Variants in EXOC4 observed in about 807,000 individuals in gnomAD.
EXOC4 encodes the protein exocyst complex component 4.
Under a neutral mutation model 107.2 loss-of-function variants are expected in EXOC4, and 71 were observed. The ratio of observed to expected loss-of-function variants is 0.66; its 90% CI spans 0.55 to 0.81. EXOC4 has a LOEUF of 0.81. Among genes scored for constraint, EXOC4 ranks in the 30% least tolerant of loss-of-function variants. The pLI, the probability that EXOC4 is intolerant of heterozygous loss-of-function variation, is 0.00. For synonymous variants in EXOC4, 456 were observed against 441.2 expected (o/e 1.03, Z -0.42); for missense variants, 1,108 against 1,189.6 (o/e 0.93, Z 1.01).
chr7:133,407,982 C>T (rs1287883071), intron 7 of EXOC4, among the ~76,000 whole-genome samples: 1 of 152,112 alleles, frequency 6.6e-6, no homozygotes, highest in African/African-American at 2.4e-5. Context: ...TTAAACCTGA[C>T]TCCAAAACTT....
intron 9 of EXOC4, among the ~76,000 whole-genome samples, chr7:133,591,569 CGTGTGTGT>C (rs918271151): frequency 2.1e-4 from 3 of 14,594 alleles, no homozygotes; most frequent in African/African-American, 3.3e-4. Flanking sequence ...TGTGTGTGTG[CGTGTGTGT>C]GTGTGTGTGT....
intron 10 of EXOC4, among the ~76,000 whole-genome samples, chr7:133,721,690 G>A (rs1221523879): frequency 6.6e-6 from 1 of 152,154 alleles, no homozygotes; most frequent in Non-Finnish European, 1.5e-5. Context: ...ATGGTAAGAA[G>A]GAATTTGTTG....
At chr7:133,627,145 G>A (rs1023874002) in intron 9 of EXOC4, among the ~76,000 whole-genome samples, 2 of 152,188 alleles carry the variant, frequency 1.3e-5, no homozygotes, top group African/African-American at 4.8e-5. Flanking sequence ...GGTTCATAAT[G>A]GGTTATTTTA....
intron 11 of EXOC4, among the ~76,000 whole-genome samples, chr7:133,837,468 AT>A (rs1797941101): frequency 6.6e-6 from 1 of 152,118 alleles, no homozygotes; most frequent in South Asian, 2.1e-4. Flanking sequence ...AAAGGTTTAA[AT>A]TTTCTGTGGC....
chr7:133,381,424 G>A (rs939216594), intron 7 of EXOC4, among the ~76,000 whole-genome samples: 1 of 152,146 alleles, frequency 6.6e-6, no homozygotes, highest in Non-Finnish European at 1.5e-5. Flanking sequence ...GATTGATGAT[G>A]AGTTGATCCT....
At chr7:133,326,913 G>A (rs946923026) in intron 5 of EXOC4, among the ~76,000 whole-genome samples, 9 of 152,322 alleles carry the variant, frequency 5.9e-5, no homozygotes, top group Non-Finnish European at 8.8e-5. Flanking sequence ...AATGGCAGGC[G>A]CCCCTTCCCC....
At position 134,045,559 on chromosome 7, in the gene EXOC4, T is replaced by TA. The variant is rs1279181160; in HGVS notation, c.2688-18731dup. ...TGGCTGCGGACAGATGTCTTCTGTATAGTTAAGAAGTCAGGGTTCCAGTTT... is the reference window on the plus strand; with the variant it reads ...TGGCTGCGGACAGATGTCTTCTGTATAAGTTAAGAAGTCAGGGTTCCAGTTT... On this transcript the variant is annotated intron_variant, in intron 17 of 17. Transcript: ENST00000253861. 2.0e-5 allele frequency among the ~76,000 whole-genome samples: 3 copies of TA among 152,360 alleles called. No homozygotes were observed. The East Asian group carries it at 5.8e-4, about 29-fold the overall frequency.
chr7:133,620,696 G>A (rs9641953), intron 9 of EXOC4, among the ~76,000 whole-genome samples: 23,616 of 152,060 alleles, frequency 0.16, 2,150 homozygotes, highest in African/African-American at 0.24. Flanking sequence ...AGTGAAAAAA[G>A]AATGAAATGT....
chr7:133,658,253 A>G (rs138610574), intron 10 of EXOC4, among the ~76,000 whole-genome samples: 3 of 152,304 alleles, frequency 2.0e-5, no homozygotes, highest in African/African-American at 7.2e-5. Context: ...TTATGCCAGT[A>G]TGAACTTGTT....
At chr7:133,353,395 T>A (rs1041100761) in intron 5 of EXOC4, among the ~76,000 whole-genome samples, 5 of 152,168 alleles carry the variant, frequency 3.3e-5, no homozygotes, top group African/African-American at 1.2e-4. Flanking sequence ...AAGGACAGTT[T>A]TGTGTGATAC....
rs1316071531 is a variant in EXOC4 at position 133,737,932 on chromosome 7, G to A, written c.1515-79393G>A. Among the ~76,000 whole-genome samples, 5 of 2,472 alleles carry A rather than the reference G, an allele frequency of 2.0e-3. No homozygotes were observed. In the East Asian group the frequency reaches 0.038, roughly 19 times the overall value. The allele number at this position is 2,472 out of a possible 152,430, so 1.6% of individuals were successfully genotyped here. A position where few individuals can be genotyped will look rare whatever the true frequency, so the allele number is the denominator to read the frequency against. On this transcript the variant is annotated intron_variant, in intron 10 of 17. Coordinates refer to ENST00000253861, the MANE Select transcript of EXOC4 (RefSeq NM_021807.4). ...TTCTTTTTTTTTTTTTTTTTTTTGA[G>A]ACGGGGTCTTGCTCTGTTGCTTAGG...
intron 10 of EXOC4, among the ~76,000 whole-genome samples, chr7:133,636,784 A>T (rs1802722771): frequency 6.6e-6 from 1 of 152,176 alleles, no homozygotes; most frequent in Non-Finnish European, 1.5e-5. Flanking sequence ...GCAAAAAGTG[A>T]AATATTTATT....
intron 11 of EXOC4, among the ~76,000 whole-genome samples, chr7:133,888,996 G>T (rs1799147212): frequency 6.6e-6 from 1 of 152,218 alleles, no homozygotes; most frequent in Non-Finnish European, 1.5e-5. Context: ...TATTATGTGA[G>T]TCTCAAGTGA....
chr7:133,279,583 A>G (rs887415253), intron 2 of EXOC4, among the ~76,000 whole-genome samples: 1 of 152,220 alleles, frequency 6.6e-6, no homozygotes, highest in Non-Finnish European at 1.5e-5. Context: ...CAGTAGCACT[A>G]TCATGAATCG....
intron 17 of EXOC4, among the ~76,000 whole-genome samples, chr7:134,031,967 T>A (rs1795281690): frequency 6.6e-6 from 1 of 152,204 alleles, no homozygotes; most frequent in South Asian, 2.1e-4. Flanking sequence ...CATCTGAGAT[T>A]GTAAATCATG....
intron 10 of EXOC4, among the ~76,000 whole-genome samples, chr7:133,806,656 C>T (rs368533479): frequency 1.3e-4 from 20 of 152,240 alleles, no homozygotes; most frequent in African/African-American, 2.6e-4. Flanking sequence ...TCTAACCTTA[C>T]GGGTGAACCT....
chr7:133,775,434 CT>C (rs1796326307), intron 10 of EXOC4, among the ~76,000 whole-genome samples: 1 of 152,136 alleles, frequency 6.6e-6, no homozygotes, highest in Non-Finnish European at 1.5e-5. Context: ...AACACGTGAC[CT>C]TCTTAATCTG....
intron 14 of EXOC4, among the ~76,000 whole-genome samples, chr7:133,965,047 T>C (rs1008790173): frequency 3.9e-5 from 6 of 152,230 alleles, no homozygotes; most frequent in Admixed American, 1.3e-4. Context: ...TGGTATCTCA[T>C]TGTGATTTTG....
At chr7:133,604,710 C>T (rs113595902) in intron 9 of EXOC4, among the ~76,000 whole-genome samples, 10,414 of 51,212 alleles carry the variant, frequency 0.2, 1,238 homozygotes, top group Middle Eastern at 0.3. Flanking sequence ...TTCCTTCTTT[C>T]TTTTTTTTTT....
Sources: gnomAD v4.1 joint callset for allele counts (sites outside exome capture counted in the v4.1 genomes callset) on GRCh38, gnomAD v4.1.1 for gene constraint, MANE v1.5 for transcripts, NCBI Gene and HGNC (gene_info 2026-07-23, HGNC 2026-07-21) for gene names.